EDEM1: variants seen among roughly 807,000 people sequenced by gnomAD.
EDEM1 encodes ER degradation-enhancing alpha-mannosidase-like protein 1.
A neutral mutation model predicts 74.4 loss-of-function variants in EDEM1; 67 were observed. The observed-to-expected ratio is 0.90, with a 90% CI of 0.74 to 1.10. The LOEUF (loss-of-function observed/expected upper bound fraction) is 1.10. Among genes scored for constraint, EDEM1 ranks in the 50% least tolerant of loss-of-function variants. EDEM1 has a pLI of 0.00. For missense variants in EDEM1, 926 were observed against 851.6 expected (o/e 1.09, Z -1.09); for synonymous variants, 382 against 335.9 (o/e 1.14, Z -1.50).
At chr3:5,201,019 C>G (rs1038905826) in intron 3 of EDEM1, among the ~76,000 whole-genome samples, 1 of 151,926 alleles carries the variant, frequency 6.6e-6, no homozygotes, top group South Asian at 2.1e-4. Context: ...ACCTCAGCCT[C>G]CCAAATAGCT....
chr3:5,199,136 T>G (rs141497753), intron 2 of EDEM1, among the ~76,000 whole-genome samples: 3 of 152,376 alleles, frequency 2.0e-5, no homozygotes, highest in African/African-American at 7.2e-5. Flanking sequence ...TTCATTCAGT[T>G]TTCCACATGT....
At position 5,214,305 on chromosome 3, in the gene EDEM1, C is replaced by T. The variant is rs191042940; in HGVS notation, c.1884+783C>T. Among the ~76,000 whole-genome samples, 19 of 152,292 alleles carry T rather than the reference C, an allele frequency of 1.2e-4. 1 individual carries two copies. The South Asian group carries it at 2.3e-3, about 18-fold the overall frequency. On this transcript the variant is annotated intron_variant, in intron 11 of 11. Coordinates refer to ENST00000256497, the MANE Select transcript of EDEM1 (RefSeq NM_014674.3). The stretch of plus-strand genomic sequence containing the variant: ...CCCAGGGCCTTGGTGGTCAGGAGTT[C>T]GGCAGCCTCCCCACAGATGGGTTGC...
chr3:5,198,733 C>T (rs1430967541), intron 2 of EDEM1, among the ~76,000 whole-genome samples: 1 of 144,192 alleles, frequency 6.9e-6, no homozygotes, highest in Admixed American at 7.1e-5. Flanking sequence ...GGCAGGTTTG[C>T]CTGATGCAGT....
chr3:5,202,879 T>C, intron 4 of EDEM1, 87 bp from the exon 5 acceptor site: 1 of 1,215,172 alleles, frequency 8.2e-7, no homozygotes, highest in Non-Finnish European at 1.2e-6. Flanking sequence ...CTTGGTTTAT[T>C]AGCTGAGTGT....
intron 8 of EDEM1, among the ~76,000 whole-genome samples, chr3:5,209,564 A>G (rs2055142833): frequency 6.6e-6 from 1 of 152,244 alleles, no homozygotes; most frequent in South Asian, 2.1e-4. Context: ...CATGAATTAA[A>G]GATCCCCAAC....
intron 3 of EDEM1, 101 bp from the exon 4 acceptor site, chr3:5,201,652 G>C (rs1262438518): frequency 2.0e-5 from 28 of 1,405,292 alleles, no homozygotes; most frequent in Non-Finnish European, 2.7e-5. Context: ...AGGCAGTTCT[G>C]AGTCTATGTG....
chr3:5,201,674 ACTT>A, intron 3 of EDEM1, 76 bp from the exon 4 acceptor site: 1 of 1,552,372 alleles, frequency 6.4e-7, no homozygotes, highest in Non-Finnish European at 8.8e-7. Flanking sequence ...ATATGAACAT[ACTT>A]CTATCTTTCT....
In EDEM1 at chr3:5,188,219, C is replaced by A. The variant is rs776452335; in HGVS notation, c.414C>A (p.Phe138Leu). The change falls in exon 1 of 12, where the codon TTC (phenylalanine) becomes TTA (leucine). Residue 138 changes from phenylalanine (F) to leucine (L), a missense_variant. By Grantham distance (22) the Phe-to-Leu change is conservative. Coordinates refer to ENST00000256497, the MANE Select transcript of EDEM1 (RefSeq NM_014674.3). The part of the protein sequence containing the change: ...AQMRDLARGM[F>L]VFGYDNYMAH... The stretch of plus-strand genomic sequence containing the variant: ...TGCGCGACCTGGCACGGGGCATGTT[C>A]GTCTTTGGCTACGACAACTACATGG... 3 of 1,583,562 alleles carry A rather than the reference C, an allele frequency of 1.9e-6. No homozygotes were observed. The highest frequency in any genetic ancestry group is 2.6e-6 in the Non-Finnish European group (3 of 1,167,158).
chr3:5,199,172 C>T (rs112322837), intron 2 of EDEM1, among the ~76,000 whole-genome samples: 1 of 152,228 alleles, frequency 6.6e-6, no homozygotes, highest in East Asian at 1.9e-4. Context: ...GCCAAGCACC[C>T]AAGCTGCTGA....
intron 7 of EDEM1, 52 bp downstream of exon 7, chr3:5,207,325 T>TC (rs2055110810): frequency 6.2e-7 from 1 of 1,600,218 alleles, no homozygotes; most frequent in African/African-American, 1.4e-5. Flanking sequence ...AAAGGGCTTC[T>TC]CCCTCCTTTT....
chr3:5,205,807 T>C (rs1310476975), intron 6 of EDEM1, among the ~76,000 whole-genome samples: 1 of 151,946 alleles, frequency 6.6e-6, no homozygotes, highest in Non-Finnish European at 1.5e-5. Context: ...GATATACCAA[T>C]ACTTCTGCCA....
chr3:5,215,241 A>G (rs1301012913), intron 11 of EDEM1, among the ~76,000 whole-genome samples: 1 of 150,906 alleles, frequency 6.6e-6, no homozygotes, highest in Non-Finnish European at 1.5e-5. Flanking sequence ...CAGGGATGTC[A>G]CAGTTGGTTA....
intron 3 of EDEM1, among the ~76,000 whole-genome samples, chr3:5,201,275 C>G (rs74382163): frequency 4.3e-4 from 66 of 152,080 alleles, no homozygotes; most frequent in Non-Finnish European, 7.8e-4. Context: ...CTCAGCCTCC[C>G]AAGTAGCTAC....
intron 4 of EDEM1, 78 bp from the exon 5 acceptor site, chr3:5,202,888 G>A (rs544542694): frequency 2.2e-6 from 3 of 1,337,924 alleles, no homozygotes; most frequent in South Asian, 2.6e-5. Flanking sequence ...TTAGCTGAGT[G>A]TAGTCTCTGA....
intron 5 of EDEM1, among the ~76,000 whole-genome samples, chr3:5,203,966 A>G (rs2055064534): frequency 6.6e-6 from 1 of 152,130 alleles, no homozygotes; most frequent in Non-Finnish European, 1.5e-5. Flanking sequence ...TCCTGAGCGC[A>G]AGCAATTCTC....
chr3:5,207,855 C>T lies in EDEM1; in HGVS notation c.1339-238C>T, dbSNP rs528633308. Among the ~76,000 whole-genome samples the T allele has an allele frequency of 1.4e-3, 207 of 152,312 alleles. 1 individual carries two copies. The highest frequency in any genetic ancestry group is 4.9e-3 in the African/African-American group (202 of 41,566). ...ATCGCTCAGTTGTTTATTCCTTGTT[C>T]ATGAGTACACGTAATCTCTTTTTCT... On this transcript the variant is annotated intron_variant, in intron 7 of 11. Coordinates refer to ENST00000256497, the MANE Select transcript of EDEM1 (RefSeq NM_014674.3).
At chr3:5,198,662 C>CTTTTTTTTTTTTT (rs57260414) in intron 2 of EDEM1, among the ~76,000 whole-genome samples, 1 of 75,160 alleles carries the variant, frequency 1.3e-5, no homozygotes, top group African/African-American at 4.6e-5. Context: ...ACGTATATAG[C>CTTTTTTTTTTTTT]TTTTTTTTTT....
rs183693683 is a variant in EDEM1 at position 5,213,418 on chromosome 3, C to T, written c.1780C>T (p.Pro594Ser). The T allele has an allele frequency of 2.8e-5, 46 of 1,614,092 alleles. No individual in the cohort carries two copies. The highest frequency in any genetic ancestry group is 1.2e-4 in the Admixed American group (7 of 60,010). The stretch of plus-strand genomic sequence containing the variant: ...TGTGGATGAGCATCTTCGGGAATTG[C>T]CATGGAAGGAATTCTTCTCTGAAGA... ...VSVDEHLREL[P>S]WKEFFSEEGG... Residue 594 changes from proline (P) to serine (S), a missense_variant, in exon 11 of 12, where the codon CCA becomes TCA. Physicochemically the swap from Pro to Ser is moderately conservative, Grantham distance 74 (BLOSUM62 -1). Coordinates refer to ENST00000256497, the MANE Select transcript of EDEM1 (RefSeq NM_014674.3).
intron 1 of EDEM1, among the ~76,000 whole-genome samples, chr3:5,194,498 G>T (rs1437491404): frequency 3.3e-5 from 5 of 152,162 alleles, no homozygotes; most frequent in Middle Eastern, 3.2e-3. Flanking sequence ...CCTGAAGTTG[G>T]TTTCTTAAGG....
Sources: gnomAD v4.1 joint callset for allele counts (sites outside exome capture counted in the v4.1 genomes callset) on GRCh38, gnomAD v4.1.1 for gene constraint, MANE v1.5 for transcripts, NCBI Gene and HGNC (gene_info 2026-07-23, HGNC 2026-07-21) for gene names.